The following FLNB variants were observed in gnomAD, a reference collection of about 807,000 sequenced individuals.
The protein encoded by FLNB is filamin B, also known as filamin-B.
In FLNB, 111 loss-of-function variants were observed where a neutral mutation model predicts 250.6. That is an observed-to-expected ratio of 0.44 (90% CI 0.38 to 0.52). FLNB has a LOEUF of 0.52. FLNB is among the 20% of genes least tolerant of loss of function. FLNB has a pLI of 0.00. For synonymous variants in FLNB, 1,302 were observed against 1,372.1 expected, an observed-to-expected ratio of 0.95 and a Z score of 1.13; for missense variants, 2,869 against 3,447.8, an observed-to-expected ratio of 0.83 and a Z score of 4.20.
At chr3:58,144,961 T>G (rs375302117) in intron 32 of FLNB, among the ~76,000 whole-genome samples, 2 of 152,260 alleles carry the variant, frequency 1.3e-5, no homozygotes, top group African/African-American at 4.8e-5. Context: ...CTTTGTCATA[T>G]AGTTTCTAAG....
At chr3:58,134,198 C>G (rs1034299157) in intron 26 of FLNB, among the ~76,000 whole-genome samples, 3 of 152,312 alleles carry the variant, frequency 2.0e-5, no homozygotes, top group African/African-American at 7.2e-5. Context: ...AGATCAGCAG[C>G]TGCATTAGAT....
chr3:58,103,925 T>C, intron 9 of FLNB, 34 bp from the exon 10 acceptor site: 1 of 1,613,722 alleles, frequency 6.2e-7, no homozygotes, highest in Non-Finnish European at 8.5e-7. Context: ...GGCCTAGGAT[T>C]GTGTTGGAAA....
At chr3:58,083,418 G>A (rs1238161089) in intron 4 of FLNB, among the ~76,000 whole-genome samples, 1 of 144,990 alleles carries the variant, frequency 6.9e-6, no homozygotes, top group Non-Finnish European at 1.5e-5. Flanking sequence ...CCAGGCTGGA[G>A]TGCAGTGGCA....
intron 1 of FLNB, among the ~76,000 whole-genome samples, chr3:58,011,247 T>C (rs943859563): frequency 6.6e-6 from 1 of 152,102 alleles, no homozygotes; most frequent in Non-Finnish European, 1.5e-5. Context: ...ACTCAGGCCC[T>C]AGCTACTCCC....
chr3:58,115,334 CA>C (rs1446946666), intron 18 of FLNB, among the ~76,000 whole-genome samples: 3 of 152,334 alleles, frequency 2.0e-5, no homozygotes, highest in Non-Finnish European at 2.9e-5. Flanking sequence ...ACTGGGATCA[CA>C]AGGCCATGAC....
intron 41 of FLNB, among the ~76,000 whole-genome samples, chr3:58,156,994 G>T (rs112947322): frequency 0.037 from 5,707 of 152,242 alleles, 359 homozygotes; most frequent in African/African-American, 0.13. Flanking sequence ...ACTGTGCCTG[G>T]CCAGAACCTG....
intron 28 of FLNB, among the ~76,000 whole-genome samples, chr3:58,136,638 T>C (rs544770870): frequency 6.6e-6 from 1 of 152,216 alleles, no homozygotes; most frequent in African/African-American, 2.4e-5. Flanking sequence ...CTCTCAGGAA[T>C]TCTCCATGAA....
At position 58,121,341 on chromosome 3, in the gene FLNB, C is replaced by A. The variant is rs565764216; in HGVS notation, c.2964C>A (p.Val988=). The change falls in exon 20 of 46, where the codon GTC becomes GTA. Residue 988 remains valine, a synonymous_variant. Transcript: ENST00000295956. ...DVTILSPSRK[V]VPCLVTPVTG... ...CAATCCTCAGCCCCTCTCGGAAGGTCGTGCCATGCCTAGTGACACCTGTGA... is the reference window on the plus strand; with the variant it reads ...CAATCCTCAGCCCCTCTCGGAAGGTAGTGCCATGCCTAGTGACACCTGTGA... 5.0e-6 allele frequency: 8 copies of A among 1,614,092 alleles called. No homozygotes were observed. The highest frequency in any genetic ancestry group is 5.9e-6 in the Non-Finnish European group (7 of 1,180,024).
intron 42 of FLNB, among the ~76,000 whole-genome samples, chr3:58,161,142 A>G (rs540937985): frequency 6.6e-6 from 1 of 152,342 alleles, no homozygotes; most frequent in Non-Finnish European, 1.5e-5. Context: ...TGGTGCTCCC[A>G]GAGTGGTCCA....
At chr3:58,141,818 C>T (rs749464909) in intron 29 of FLNB, 40 bp from the exon 30 acceptor site, 3 of 1,577,498 alleles carry the variant, frequency 1.9e-6, no homozygotes. Flanking sequence ...TGTATCCTTC[C>T]AGTATGGTTC....
rs1443218704 is a variant in FLNB at position 58,142,966 on chromosome 3, A to T, written c.5284+214A>T. Among the ~76,000 whole-genome samples the T allele has an allele frequency of 6.6e-6, 1 of 152,208 alleles. No individual in the cohort carries two copies. The highest frequency in any genetic ancestry group is 2.4e-5 in the African/African-American group (1 of 41,456). On this transcript the variant is annotated intron_variant, in intron 31 of 45. Transcript: ENST00000295956. This position sits in a 1 kb window ranked among gnomAD's most constrained non-coding sequence, Gnocchi z 4.3. The stretch of plus-strand genomic sequence containing the variant: ...AAGAAGTGGCTCACTGACAACTTGC[A>T]TTACTTTCTTGAGCAGTCCCATGAT...
Position 58,168,561 on chromosome 3 carries a change from C to T in FLNB, c.7320C>T (p.Val2440=). 2 of 1,614,066 alleles carry T rather than the reference C, an allele frequency of 1.2e-6. No homozygotes were observed. The highest frequency in any genetic ancestry group is 1.7e-6 in the Non-Finnish European group (2 of 1,179,892). ...AGGAAACACCTGAAGGGTACAAAGT[C>T]ATGTACACCCCCATGGCTCCTGGTA... ...DCQETPEGYK[V]MYTPMAPGNY... is the part of the protein sequence containing the mutation. Residue 2440 remains valine, a synonymous_variant, in exon 44 of 46, where the codon GTC becomes GTT. Transcript: ENST00000295956.
Position 58,155,033 on chromosome 3 carries a change from G to C in FLNB, c.6772+105G>C, listed in dbSNP as rs1575467917. ...TTGCTGAAGTCAATGAGGAATCTATGTGTATGGGCACATGGGACAGCCTCC... is the reference window on the plus strand; with the variant it reads ...TTGCTGAAGTCAATGAGGAATCTATCTGTATGGGCACATGGGACAGCCTCC... On this transcript the variant is annotated intron_variant, in intron 40 of 45. Coordinates refer to ENST00000295956, the MANE Select transcript of FLNB (RefSeq NM_001457.4). 4.3e-6 allele frequency: 5 copies of C among 1,151,942 alleles called. No individual in the cohort carries two copies. In the East Asian group the frequency reaches 1.2e-4, roughly 28 times the overall value. The allele number at this position is 1,151,942 out of a possible 1,614,324, so 71.4% of individuals were successfully genotyped here.
chr3:58,073,998 A>G (rs766514635), intron 1 of FLNB, among the ~76,000 whole-genome samples: 37 of 152,200 alleles, frequency 2.4e-4, no homozygotes, highest in Non-Finnish European at 5.0e-4. Flanking sequence ...AGTTTCATGC[A>G]TCGTAATATG....
At chr3:58,156,110 CA>C in intron 41 of FLNB, 35 bp downstream of exon 41, 1 of 1,499,216 alleles carries the variant, frequency 6.7e-7, no homozygotes, top group Non-Finnish European at 9.3e-7. Context: ...TCCTTGGCCG[CA>C]GGCCACCAGT....
At chr3:58,094,987 C>A (rs1161388193) in intron 5 of FLNB, 33 bp downstream of exon 5, 2 of 1,512,654 alleles carry the variant, frequency 1.3e-6, no homozygotes, top group East Asian at 2.2e-5. Flanking sequence ...TCCTTTCCAG[C>A]ACCTCATGGA....
chr3:58,157,829 GTGCTC>G (rs2097355598), intron 41 of FLNB, among the ~76,000 whole-genome samples: 1 of 152,242 alleles, frequency 6.6e-6, no homozygotes, highest in South Asian at 2.1e-4. Context: ...CTTCTGTAGA[GTGCTC>G]TCGTCATAGC....
intron 1 of FLNB, among the ~76,000 whole-genome samples, chr3:58,064,204 G>C (rs2097182267): frequency 6.6e-6 from 1 of 152,122 alleles, no homozygotes; most frequent in African/African-American, 2.4e-5. Context: ...GCAGTGGTGC[G>C]ATCTTGGCTT....
At chr3:58,048,126 T>G (rs1168960202) in intron 1 of FLNB, among the ~76,000 whole-genome samples, 17 of 152,228 alleles carry the variant, frequency 1.1e-4, no homozygotes, top group Admixed American at 9.8e-4. Flanking sequence ...TGGCATTTTT[T>G]GGGATCCAGG....
Sources: allele counts gnomAD v4.1 joint callset (sites outside exome capture counted in the v4.1 genomes callset), GRCh38; gene constraint gnomAD v4.1.1; non-coding constraint Gnocchi (gnomAD v3.1); transcripts MANE v1.5; gene names NCBI Gene and HGNC (gene_info 2026-07-23, HGNC 2026-07-21).